The following MTUS2 variants were observed in gnomAD, a reference collection of about 807,000 sequenced individuals.
MTUS2 encodes the protein microtubule associated scaffold protein 2.
Under a neutral mutation model 114.1 loss-of-function variants are expected in MTUS2, and 40 were observed. The observed-to-expected ratio is 0.35, with a 90% CI of 0.27 to 0.46. The LOEUF is 0.46. MTUS2 is among the 20% of genes least tolerant of loss of function. The probability of loss-of-function intolerance (pLI) is 1.00; values close to 1 mark genes in which losing one functional copy is unlikely to be tolerated. For synonymous variants in MTUS2, 688 were observed against 672.0 expected (o/e 1.02, Z -0.37); for missense variants, 1,679 against 1,705.4 (o/e 0.98, Z 0.27).
chr13:29,208,913 A>G (rs1420862707), intron 5 of MTUS2, among the ~76,000 whole-genome samples: 3 of 152,242 alleles, frequency 2.0e-5, no homozygotes, highest in South Asian at 4.1e-4. Flanking sequence ...GTTGCTGGGT[A>G]GAATGTTCTC....
At chr13:28,931,630 A>G (rs1422144573) in intron 2 of MTUS2, among the ~76,000 whole-genome samples, 1 of 152,170 alleles carries the variant, frequency 6.6e-6, no homozygotes, top group Non-Finnish European at 1.5e-5. Flanking sequence ...TCTTCCTAGC[A>G]GTGTGAAAAT....
At chr13:29,166,260 A>C (rs1160411998) in intron 5 of MTUS2, among the ~76,000 whole-genome samples, 1 of 152,254 alleles carries the variant, frequency 6.6e-6, no homozygotes, top group Non-Finnish European at 1.5e-5. Context: ...TCTTTGAAAC[A>C]TAGTTTTACT....
chr13:28,898,724 G>A (rs1879442416), intron 2 of MTUS2, among the ~76,000 whole-genome samples: 1 of 152,068 alleles, frequency 6.6e-6, no homozygotes, highest in South Asian at 2.1e-4. Flanking sequence ...AAATAAAAAA[G>A]CAAAATAGAA....
At chr13:29,497,211 C>T in intron 12 of MTUS2, 27 bp from the exon 13 acceptor site, 4 of 1,603,768 alleles carry the variant, frequency 2.5e-6, no homozygotes, top group Non-Finnish European at 3.4e-6. Flanking sequence ...GTGGCCCCAG[C>T]TGGACTCCTT....
chr13:29,401,848 A>G (rs1277745345), intron 8 of MTUS2, among the ~76,000 whole-genome samples: 1 of 152,202 alleles, frequency 6.6e-6, no homozygotes, highest in African/African-American at 2.4e-5. Flanking sequence ...CCTCCAGTTG[A>G]AGTGTGAAAA....
At chr13:29,193,134 C>G (rs748791659) in intron 5 of MTUS2, among the ~76,000 whole-genome samples, 1 of 152,046 alleles carries the variant, frequency 6.6e-6, no homozygotes, top group Non-Finnish European at 1.5e-5. Flanking sequence ...TAATATATAC[C>G]TTGATGTTCT....
At chr13:29,426,296 G>T (rs548432654) in intron 8 of MTUS2, among the ~76,000 whole-genome samples, 1 of 152,316 alleles carries the variant, frequency 6.6e-6, no homozygotes, top group Admixed American at 6.5e-5. Flanking sequence ...TTACAACAGG[G>T]TTATGACAAT....
At position 29,486,131 on chromosome 13, in the gene MTUS2, T is replaced by C. The variant is rs1471989196; in HGVS notation, c.3400-1769T>C. Among the ~76,000 whole-genome samples, 4 of 152,228 alleles carry C rather than the reference T, an allele frequency of 2.6e-5. No individual in the cohort carries two copies. In the South Asian group the frequency reaches 6.2e-4, roughly 24 times the overall value. On this transcript the variant is annotated intron_variant, in intron 10 of 15. Transcript: ENST00000612955. The stretch of plus-strand genomic sequence containing the variant: ...ATTAAATACTGTTGTAATCAGCCTT[T>C]CTCCTGGTGGGTTCATAGCTCTGAG...
chr13:29,026,717 A>C lies in MTUS2; in HGVS notation c.2019A>C (p.Thr673=). The change falls in exon 3 of 16, where the codon ACA becomes ACC. Residue 673 remains threonine (T), a synonymous_variant. Transcript: ENST00000612955. ...VPVGLPYAPP[T]CTMPLPHEEK... ...TGGGGCTTCCATATGCCCCGCCCAC[A>C]TGTACCATGCCTCTTCCCCACGAAG... is the stretch of plus-strand genomic sequence containing the variant. 1.2e-6 allele frequency: 2 copies of C among 1,613,930 alleles called. No homozygotes were observed. The highest frequency in any genetic ancestry group is 3.3e-5 in the Admixed American group (2 of 60,012).
intron 3 of MTUS2, among the ~76,000 whole-genome samples, chr13:29,030,556 C>A (rs765351204): frequency 6.6e-6 from 1 of 152,072 alleles, no homozygotes; most frequent in Non-Finnish European, 1.5e-5. Context: ...ATGATGTAAC[C>A]CAGCGAGTCC....
At chr13:28,854,200 A>G (rs1250785553) in intron 2 of MTUS2, among the ~76,000 whole-genome samples, 1 of 152,196 alleles carries the variant, frequency 6.6e-6, no homozygotes, top group African/African-American at 2.4e-5. Flanking sequence ...ATCCCAGGTC[A>G]TTTGTATGCA....
At chr13:29,487,514 C>T (rs184480121) in intron 10 of MTUS2, 1 of 219,262 alleles carries the variant, frequency 4.6e-6, no homozygotes, top group East Asian at 1.2e-4. Context: ...TGTACCGTAG[C>T]TCCCCCTGCC....
intron 5 of MTUS2, among the ~76,000 whole-genome samples, chr13:29,150,677 C>T (rs985845656): frequency 5.3e-5 from 8 of 152,090 alleles, no homozygotes; most frequent in Admixed American, 2.6e-4. Flanking sequence ...TTACATCTTA[C>T]ATTTGAGTCT....
chr13:29,321,356 G>T (rs1462598175), intron 6 of MTUS2, among the ~76,000 whole-genome samples: 1 of 152,194 alleles, frequency 6.6e-6, no homozygotes, highest in Non-Finnish European at 1.5e-5. Flanking sequence ...GACACTCAGG[G>T]ATCTCATTGA....
intron 5 of MTUS2, among the ~76,000 whole-genome samples, chr13:29,181,183 A>G (rs1424185172): frequency 6.6e-6 from 1 of 151,654 alleles, no homozygotes; most frequent in Non-Finnish European, 1.5e-5. Context: ...CGGAGGTCAC[A>G]GTGCTGCACT....
intron 5 of MTUS2, among the ~76,000 whole-genome samples, chr13:29,234,977 T>G (rs1222366090): frequency 6.6e-6 from 1 of 152,220 alleles, no homozygotes; most frequent in Non-Finnish European, 1.5e-5. Context: ...AGCTGTCAGT[T>G]GATCATTTAA....
At chr13:28,981,578 TGAAAAAAGTGATG>T (rs1486118034) in intron 2 of MTUS2, among the ~76,000 whole-genome samples, 2 of 152,110 alleles carry the variant, frequency 1.3e-5, no homozygotes, top group Non-Finnish European at 2.9e-5. Flanking sequence ...AAAAGAGAAA[TGAAAAAAGTGATG>T]GAAAAAAGTA....
intron 9 of MTUS2, among the ~76,000 whole-genome samples, chr13:29,463,209 C>T (rs1879635764): frequency 6.6e-6 from 1 of 152,076 alleles, no homozygotes; most frequent in Non-Finnish European, 1.5e-5. Flanking sequence ...TATGTATTCT[C>T]CTGGGAGCCA....
At chr13:29,141,339 C>T (rs1035414519) in intron 5 of MTUS2, among the ~76,000 whole-genome samples, 1 of 152,150 alleles carries the variant, frequency 6.6e-6, no homozygotes, top group Non-Finnish European at 1.5e-5. Context: ...TATTGGGGGT[C>T]AAGAAGCTTC....
Sources: allele counts gnomAD v4.1 joint callset (sites outside exome capture counted in the v4.1 genomes callset), GRCh38; gene constraint gnomAD v4.1.1; transcripts MANE v1.5; gene names NCBI Gene and HGNC (gene_info 2026-07-23, HGNC 2026-07-21).